The following DNAI4 variants were observed in gnomAD, a reference collection of about 807,000 sequenced individuals.
The protein encoded by DNAI4 is dynein axonemal intermediate chain 4, also known as WD repeat domain 78.
In DNAI4, 85 loss-of-function variants were observed where a neutral mutation model predicts 105.8. That is an observed-to-expected ratio of 0.80 (90% confidence interval 0.67 to 0.96). The LOEUF (loss-of-function observed/expected upper bound fraction) is 0.96. Among genes scored for constraint, DNAI4 ranks in the 40% least tolerant of loss-of-function variants. The probability of loss-of-function intolerance (pLI) is 0.00; values close to 1 mark genes in which losing one functional copy is unlikely to be tolerated. For synonymous variants in DNAI4, 352 were observed against 331.5 expected, an observed-to-expected ratio of 1.06 and a Z score of -0.67; for missense variants, 1,014 against 1,005.6, an observed-to-expected ratio of 1.01 and a Z score of -0.11.
intron 8 of DNAI4, among the ~76,000 whole-genome samples, chr1:66,845,190 C>CAAAAAAAAAAAAAAAAAAAA (rs59265844): frequency 9.4e-6 from 1 of 106,318 alleles, no homozygotes; most frequent in Non-Finnish European, 1.8e-5. Context: ...AACTCCATCT[C>CAAAAAAAAAAAAAAAAAAAA]AAAAAAAAAA....
At chr1:66,856,435 T>G (rs1043862787) in intron 7 of DNAI4, among the ~76,000 whole-genome samples, 2 of 151,842 alleles carry the variant, frequency 1.3e-5, no homozygotes, top group Non-Finnish European at 2.9e-5. Flanking sequence ...ATCGTGCCAC[T>G]GCACTCCAGC....
At chr1:66,858,501 C>T (rs1405794874) in intron 7 of DNAI4, among the ~76,000 whole-genome samples, 2 of 138,782 alleles carry the variant, frequency 1.4e-5, no homozygotes, top group Non-Finnish European at 1.5e-5. Flanking sequence ...CCACAGCATT[C>T]CAGCCTGGGC....
In DNAI4 at chr1:66,814,197, A is replaced by G. The variant is rs1557887643; in HGVS notation, c.2497-17T>C. 4 of 1,577,802 alleles carry G rather than the reference A, an allele frequency of 2.5e-6. No homozygotes were observed. In the South Asian group the frequency reaches 4.6e-5, roughly 18 times the overall value. ...TATATCTCCCTGAAAAAAAAAAGTC[A>G]CACAATTACAATGCAATAAAATGCA... On this transcript the variant is annotated splice_polypyrimidine_tract_variant and intron_variant, in intron 16 of 16. Transcript: ENST00000371026.
chr1:66,897,861 A>T (rs1270363011), intron 2 of DNAI4, among the ~76,000 whole-genome samples: 1 of 152,236 alleles, frequency 6.6e-6, no homozygotes, highest in Non-Finnish European at 1.5e-5. Flanking sequence ...GATTTATCAC[A>T]GGGGCAAAAC....
intron 5 of DNAI4, 104 bp downstream of exon 5, chr1:66,874,677 G>A (rs948456116): frequency 1.7e-6 from 2 of 1,183,578 alleles, no homozygotes; most frequent in African/African-American, 3.1e-5. Flanking sequence ...ACCCCATAGT[G>A]TATACCCCAG....
At chr1:66,913,448 A>G (rs1649809755) in intron 1 of DNAI4, among the ~76,000 whole-genome samples, 1 of 152,208 alleles carries the variant, frequency 6.6e-6, no homozygotes, top group African/African-American at 2.4e-5. Context: ...TATGTTAATG[A>G]GAGACTGAGT....
At position 66,847,553 on chromosome 1, in the gene DNAI4, C is replaced by G. The variant is rs768641183; in HGVS notation, c.1222G>C (p.Glu408Gln). The G allele has an allele frequency of 1.9e-6, 3 of 1,613,830 alleles. No homozygotes were observed. The highest frequency in any genetic ancestry group is 1.7e-6 in the Non-Finnish European group (2 of 1,179,956). Reference sequence around the variant, plus strand: ...AATATATTTTCCATCAGAACCCGTTCCATAAAAAATAAGTCCTGATGAAAT... The same window carrying G: ...AATATATTTTCCATCAGAACCCGTTGCATAAAAAATAAGTCCTGATGAAAT... ...DKFHQDLFFM[E>Q]RVLMENIFQP... Residue 408 changes from glutamate (E) to glutamine (Q), a missense_variant, in exon 8 of 17, where the codon GAA becomes CAA. Physicochemically the swap from Glu to Gln is conservative, Grantham distance 29. Transcript: ENST00000371026.
intron 1 of DNAI4, among the ~76,000 whole-genome samples, chr1:66,909,987 A>C (rs900272567): frequency 6.6e-6 from 1 of 152,138 alleles, no homozygotes; most frequent in African/African-American, 2.4e-5. Context: ...CTTTCGCTTC[A>C]TCTTCCTACT....
At chr1:66,833,915 A>G in intron 12 of DNAI4, 76 bp downstream of exon 12, 1 of 1,498,050 alleles carries the variant, frequency 6.7e-7, no homozygotes. Context: ...AAAATTTGTC[A>G]TCTTTCACAC....
intron 7 of DNAI4, among the ~76,000 whole-genome samples, chr1:66,861,909 C>T (rs187865404): frequency 6.6e-6 from 1 of 152,126 alleles, no homozygotes; most frequent in Admixed American, 6.6e-5. Context: ...AGCTTAAGAG[C>T]AAGTAAAGGT....
At chr1:66,900,823 A>T (rs1343595993) in intron 2 of DNAI4, among the ~76,000 whole-genome samples, 1 of 152,174 alleles carries the variant, frequency 6.6e-6, no homozygotes, top group Non-Finnish European at 1.5e-5. Context: ...TATATATAAC[A>T]TCATGTCATC....
intron 2 of DNAI4, among the ~76,000 whole-genome samples, chr1:66,900,336 G>A (rs761008531): frequency 2.6e-5 from 4 of 152,080 alleles, no homozygotes; most frequent in Admixed American, 1.3e-4. Context: ...CCTGGTCTCA[G>A]GTGATCCACC....
At chr1:66,914,296 T>C (rs891616394) in intron 1 of DNAI4, among the ~76,000 whole-genome samples, 1 of 152,138 alleles carries the variant, frequency 6.6e-6, no homozygotes, top group Non-Finnish European at 1.5e-5. Flanking sequence ...ACTATAGAGT[T>C]CCTAAGTCCT....
At chr1:66,902,656 C>T (rs184307254) in intron 2 of DNAI4, among the ~76,000 whole-genome samples, 16 of 152,268 alleles carry the variant, frequency 1.1e-4, no homozygotes, top group Admixed American at 9.8e-4. Context: ...CTATTTTCCT[C>T]TAGGAATTTT....
intron 4 of DNAI4, among the ~76,000 whole-genome samples, chr1:66,879,594 T>G (rs1355972560): frequency 6.6e-6 from 1 of 152,218 alleles, no homozygotes; most frequent in African/African-American, 2.4e-5. Flanking sequence ...TTTAGTTTTA[T>G]GCGAAATTGT....
chr1:66,909,424 G>A (rs1649497410), intron 1 of DNAI4, among the ~76,000 whole-genome samples: 1 of 150,846 alleles, frequency 6.6e-6, no homozygotes, highest in African/African-American at 2.4e-5. Context: ...CTCTAATAAT[G>A]GTCATTTCAA....
At chr1:66,869,186 T>C (rs906543570) in intron 6 of DNAI4, among the ~76,000 whole-genome samples, 9 of 151,718 alleles carry the variant, frequency 5.9e-5, no homozygotes, top group African/African-American at 2.2e-4. Context: ...ATGAATATTA[T>C]AAAGTATTCT....
intron 15 of DNAI4, 93 bp from the exon 16 acceptor site, chr1:66,822,610 T>G: frequency 8.5e-7 from 1 of 1,181,616 alleles, no homozygotes; most frequent in Non-Finnish European, 1.1e-6. Flanking sequence ...TTAAATTAAA[T>G]GTAACAAAAA....
intron 16 of DNAI4, among the ~76,000 whole-genome samples, chr1:66,820,243 T>C (rs1365265954): frequency 8.5e-6 from 1 of 117,220 alleles, no homozygotes; most frequent in Non-Finnish European, 1.9e-5. Context: ...AACCAATGCA[T>C]TTTGCAAAAA....
Sources: gnomAD v4.1 joint callset for allele counts (sites outside exome capture counted in the v4.1 genomes callset) on GRCh38, gnomAD v4.1.1 for gene constraint, MANE v1.5 for transcripts, NCBI Gene and HGNC (gene_info 2026-07-23, HGNC 2026-07-21) for gene names.